The following FREM2 variants were observed in gnomAD, a reference collection of about 807,000 sequenced individuals.
FREM2 encodes the protein FRAS1 related extracellular matrix 2.
Under a neutral mutation model 219.9 loss-of-function variants are expected in FREM2, and 119 were observed. The observed-to-expected ratio is 0.54, with a 90% confidence interval of 0.47 to 0.63. The LOEUF is 0.63. Ranked by LOEUF, FREM2 falls within the 30% of genes least tolerant of loss-of-function variation. The probability of loss-of-function intolerance (pLI) is 0.00; values close to 1 mark genes in which losing one functional copy is unlikely to be tolerated. For synonymous variants in FREM2, 1,562 were observed against 1,522.8 expected (o/e 1.03, Z -0.60); for missense variants, 4,030 against 3,993.6 (o/e 1.01, Z -0.25).
intron 2 of FREM2, among the ~76,000 whole-genome samples, chr13:38,751,467 T>C (rs1872763029): frequency 6.6e-6 from 1 of 152,118 alleles, no homozygotes. Flanking sequence ...CCCACACACA[T>C]GCTGCACTTG....
In FREM2 at chr13:38,859,520, T is replaced by G; in HGVS notation, c.7449T>G (p.Arg2483=). The G allele has an allele frequency of 6.2e-7, 1 of 1,614,118 alleles. No homozygotes were observed. The highest frequency in any genetic ancestry group is 8.5e-7 in the Non-Finnish European group (1 of 1,180,010). Reference sequence around the variant, plus strand: ...GCTCCCGGGTACAGTGCGCAGCTCGTGCTGTGAACACCAATGGGGATGAAG... The same window carrying G: ...GCTCCCGGGTACAGTGCGCAGCTCGGGCTGTGAACACCAATGGGGATGAAG... ...QPGSRVQCAA[R]AVNTNGDEGL... is the part of the protein sequence containing the mutation. Residue 2483 remains arginine (R), a synonymous_variant, in exon 14 of 24, where the codon CGT becomes CGG. Transcript: ENST00000280481.
intron 13 of FREM2, among the ~76,000 whole-genome samples, chr13:38,858,429 G>A (rs564557146): frequency 1.1e-3 from 172 of 152,146 alleles, no homozygotes; most frequent in African/African-American, 4.0e-3. Flanking sequence ...ATGAGGGGAG[G>A]TTTGGGATGG....
intron 6 of FREM2, among the ~76,000 whole-genome samples, chr13:38,809,777 T>G (rs1206338065): frequency 2.0e-5 from 3 of 152,122 alleles, no homozygotes; most frequent in Non-Finnish European, 2.9e-5. Context: ...TTCCTTCAGT[T>G]TTGTTCTTTT....
chr13:38,763,235 T>C (rs1873300913), intron 2 of FREM2, among the ~76,000 whole-genome samples: 1 of 152,208 alleles, frequency 6.6e-6, no homozygotes, highest in African/African-American at 2.4e-5. Flanking sequence ...CTTTAGTACC[T>C]GTTAAGTTGA....
chr13:38,886,383 T>C lies in FREM2; in HGVS notation c.*5596T>C, dbSNP rs185401265. 7.6e-6 allele frequency: 1 copy of C among 131,246 alleles called. No individual in the cohort carries two copies. Among genetic ancestry groups the C allele is most frequent in the Non-Finnish European group, 1.6e-5 (1 of 60,696 alleles). 8.1% of individuals were successfully genotyped at this position (131,246 alleles called of 1,614,324 possible). On this transcript the variant is annotated 3_prime_UTR_variant, in exon 24 of 24. Transcript: ENST00000280481. ...ACACATATATGTACATACATATATA[T>C]ATAGAGAGAGAGAGATAGATTTTTT...
At chr13:38,831,941 A>G (rs1593434202) in intron 6 of FREM2, among the ~76,000 whole-genome samples, 3 of 152,046 alleles carry the variant, frequency 2.0e-5, no homozygotes, top group African/African-American at 7.2e-5. Context: ...TTTTTCAACA[A>G]TAATTTTGAA....
At chr13:38,817,087 A>G (rs1003106428) in intron 6 of FREM2, among the ~76,000 whole-genome samples, 3 of 152,158 alleles carry the variant, frequency 2.0e-5, no homozygotes, top group African/African-American at 7.2e-5. Context: ...ATGGAAAGAT[A>G]TCCTATATTT....
intron 4 of FREM2, among the ~76,000 whole-genome samples, chr13:38,775,931 T>G (rs374400591): frequency 3.9e-5 from 6 of 152,336 alleles, no homozygotes; most frequent in African/African-American, 1.4e-4. Flanking sequence ...AAAGATTCAC[T>G]TTAACCAACA....
intron 2 of FREM2, among the ~76,000 whole-genome samples, chr13:38,755,383 GTGA>G (rs1026808520): frequency 3.3e-5 from 5 of 152,104 alleles, no homozygotes; most frequent in African/African-American, 7.2e-5. Flanking sequence ...TAACTGTGTG[GTGA>G]TATTTTCTGT....
At position 38,759,063 on chromosome 13, in the gene FREM2, T is replaced by C. The variant is rs1195014101; in HGVS notation, c.5264-5241T>C. Reference sequence around the variant, plus strand: ...CAATAACGAAAATCAAATGATCTAATTTCCCCAATAAGGTAGGTAATAATA... The same window carrying C: ...CAATAACGAAAATCAAATGATCTAACTTCCCCAATAAGGTAGGTAATAATA... On this transcript the variant is annotated intron_variant, in intron 2 of 23. Coordinates refer to ENST00000280481, the MANE Select transcript of FREM2 (RefSeq NM_207361.6). 2.6e-5 allele frequency among the ~76,000 whole-genome samples: 4 copies of C among 152,194 alleles called. No individual in the cohort carries two copies. In the East Asian group the frequency reaches 7.7e-4, roughly 29 times the overall value.
chr13:38,782,965 C>A, intron 4 of FREM2, 105 bp from the exon 5 acceptor site: 2 of 1,359,208 alleles, frequency 1.5e-6, no homozygotes, highest in South Asian at 1.2e-5. Flanking sequence ...AAAGAATATT[C>A]AAGGGGGAAA....
chr13:38,700,264 T>C (rs1217600325), intron 2 of FREM2, among the ~76,000 whole-genome samples: 1 of 152,106 alleles, frequency 6.6e-6, no homozygotes, highest in Non-Finnish European at 1.5e-5. Context: ...CACAGGATTC[T>C]TCTGTTATGA....
chr13:38,850,878 G>C, intron 9 of FREM2, 66 bp from the exon 10 acceptor site: 20 of 1,575,754 alleles, frequency 1.3e-5, no homozygotes, highest in Non-Finnish European at 9.5e-6. Context: ...CCCTTATGGT[G>C]CTCACATTCT....
chr13:38,696,739 G>T (rs1870121996), intron 1 of FREM2, among the ~76,000 whole-genome samples: 1 of 151,642 alleles, frequency 6.6e-6, no homozygotes, highest in Admixed American at 6.6e-5. Context: ...ATGTGAATTT[G>T]ATAAAGTAGG....
At position 38,842,491 on chromosome 13, in the gene FREM2, A is replaced by G. The variant is rs1210656986; in HGVS notation, c.6020-4082A>G. Among the ~76,000 whole-genome samples, 4 of 152,286 alleles carry G rather than the reference A, an allele frequency of 2.6e-5. No homozygotes were observed. In the East Asian group the frequency reaches 7.7e-4, roughly 29 times the overall value. The stretch of plus-strand genomic sequence containing the variant: ...TGAGGTGCCCATGGGACGTGGATTG[A>G]TTAGGCAATACAGCTCAGAAGAAAG... On this transcript the variant is annotated intron_variant, in intron 6 of 23. Coordinates refer to ENST00000280481, the MANE Select transcript of FREM2 (RefSeq NM_207361.6).
chr13:38,720,441 A>G (rs1871180126), intron 2 of FREM2, among the ~76,000 whole-genome samples: 1 of 152,208 alleles, frequency 6.6e-6, no homozygotes, highest in Admixed American at 6.5e-5. Flanking sequence ...ATGCGCAGAC[A>G]GATTCTAATT....
At position 38,689,863 on chromosome 13, in the gene FREM2, A is replaced by G. The variant is rs1466145073; in HGVS notation, c.2519A>G (p.Gln840Arg). 2 of 1,614,130 alleles carry G rather than the reference A, an allele frequency of 1.2e-6. No individual in the cohort carries two copies. Among genetic ancestry groups the G allele is most frequent in the East Asian group, 2.2e-5 (1 of 44,868 alleles). The change falls in exon 1 of 24, where the codon CAG becomes CGG. Residue 840 changes from glutamine to arginine, a missense_variant. Physicochemically the swap from Gln to Arg is conservative, Grantham distance 43. Coordinates refer to ENST00000280481, the MANE Select transcript of FREM2 (RefSeq NM_207361.6). Reference sequence around the variant, plus strand: ...ATCCTCAACACCGGCTTCACTATTCAGGAGAAGGGTCACCACATCCTGAGT... The same window carrying G: ...ATCCTCAACACCGGCTTCACTATTCGGGAGAAGGGTCACCACATCCTGAGT... ...PEILNTGFTI[Q>R]EKGHHILSET...
Position 38,764,350 on chromosome 13 carries a change from G to A in FREM2, c.5310G>A (p.Trp1770Ter). ...TYQNFRLNWA[W>*]ISFEKEYYLV... ...AGAATTTTCGTCTGAATTGGGCATG[G>A]ATCTCCTTTGAAAAGGAATATTACC... Residue 1770 changes from tryptophan (W) to a stop codon, truncating the protein, a stop_gained, in exon 3 of 24, where the codon TGG becomes TGA. Transcript: ENST00000280481. LOFTEE classifies it high-confidence loss of function. 6.2e-7 allele frequency: 1 copy of A among 1,609,434 alleles called. No homozygotes were observed. Among genetic ancestry groups the A allele is most frequent in the African/African-American group, 1.3e-5 (1 of 74,952 alleles).
chr13:38,694,968 T>C (rs1413813664), intron 1 of FREM2, among the ~76,000 whole-genome samples: 10 of 152,188 alleles, frequency 6.6e-5, no homozygotes, highest in Admixed American at 4.6e-4. Context: ...TGTGGCTGCC[T>C]GATATGTTAA....
Sources: allele counts gnomAD v4.1 joint callset (sites outside exome capture counted in the v4.1 genomes callset), GRCh38; gene constraint gnomAD v4.1.1; transcripts MANE v1.5; gene names NCBI Gene and HGNC (gene_info 2026-07-23, HGNC 2026-07-21).